SS18: variants seen among roughly 807,000 people sequenced by gnomAD.
The protein encoded by SS18 is protein SSXT.
Under a neutral mutation model 72.5 loss-of-function variants are expected in SS18, and 28 were observed. The ratio of observed to expected loss-of-function variants is 0.39; its 90% CI spans 0.29 to 0.53. The LOEUF is 0.53. SS18 is among the 20% of genes least tolerant of loss of function. SS18 has a pLI of 0.76. For synonymous variants in SS18, 172 were observed against 164.2 expected (o/e 1.05, Z -0.37); for missense variants, 518 against 535.3 (o/e 0.97, Z 0.32).
In SS18 at chr18:26,018,016, T is replaced by C. The variant is rs2053278585; in HGVS notation, c.*338A>G. The stretch of plus-strand genomic sequence containing the variant: ...TCTGTGGAAAAGTATTAAATTCCCT[T>C]ACCCTTCATAAACATACAAAGCTGT... On this transcript the variant is annotated 3_prime_UTR_variant, in exon 11 of 11. Coordinates refer to ENST00000415083, the MANE Select transcript of SS18 (RefSeq NM_001007559.3). The C allele has an allele frequency of 1.2e-5, 3 of 257,526 alleles. No individual in the cohort carries two copies. Among genetic ancestry groups the C allele is most frequent in the Non-Finnish European group, 2.2e-5 (3 of 134,142 alleles). The allele number at this position is 257,526 out of a possible 1,614,324, so 16.0% of individuals were successfully genotyped here.
chr18:26,079,058 A>G (rs1377263167), intron 2 of SS18: 1 of 152,198 alleles, frequency 6.6e-6, no homozygotes, highest in Non-Finnish European at 1.5e-5. Flanking sequence ...ACTTAGGCCC[A>G]CTGTGTTTAT....
chr18:26,054,440 T>G (rs1027080615), intron 4 of SS18, among the ~76,000 whole-genome samples: 1 of 152,126 alleles, frequency 6.6e-6, no homozygotes, highest in African/African-American at 2.4e-5. Context: ...CATATATATG[T>G]GTATATATAT....
At chr18:26,037,766 T>C (rs2053649928) in intron 7 of SS18, among the ~76,000 whole-genome samples, 1 of 152,134 alleles carries the variant, frequency 6.6e-6, no homozygotes, top group African/African-American at 2.4e-5. Context: ...CATCATTTTG[T>C]AATGTATTTC....
At chr18:26,057,840 AC>A (rs1456161444) in intron 3 of SS18, 98 bp from the exon 4 acceptor site, 1 of 1,161,566 alleles carries the variant, frequency 8.6e-7, no homozygotes, top group Non-Finnish European at 1.2e-6. Flanking sequence ...TGCAGTAAGA[AC>A]AAAAACACAA....
intron 3 of SS18, among the ~76,000 whole-genome samples, chr18:26,063,530 AT>A (rs1568018558): frequency 6.6e-6 from 1 of 152,190 alleles, no homozygotes; most frequent in Non-Finnish European, 1.5e-5. Flanking sequence ...AAAGAAAAAA[AT>A]AATAATAATA....
At chr18:26,027,671 TAAAAAAAAAAAAAAAAAAAAA>T (rs68048813) in intron 10 of SS18, among the ~76,000 whole-genome samples, 2 of 27,300 alleles carry the variant, frequency 7.3e-5, no homozygotes, top group South Asian at 1.9e-3. Flanking sequence ...GAGACTCATC[TAAAAAAAAAAAAAAAAAAAAA>T]AAAAAAAAAA....
chr18:26,090,702 C>G (rs2144217055), upstream of SS18: 1 of 941,356 alleles, frequency 1.1e-6, no homozygotes, highest in East Asian at 2.7e-5. Flanking sequence ...GCCAAGCGGA[C>G]GGGCGGCGGG....
chr18:26,078,470 G>C (rs2054457173), intron 2 of SS18: 1 of 218,694 alleles, frequency 4.6e-6, no homozygotes, highest in Non-Finnish European at 8.9e-6. Context: ...CTAATGTTTA[G>C]AGAGGTTGAT....
chr18:26,065,033 C>A (rs897368663), intron 3 of SS18, among the ~76,000 whole-genome samples: 4 of 152,002 alleles, frequency 2.6e-5, no homozygotes, highest in African/African-American at 9.7e-5. Context: ...ATAAATCTAA[C>A]AAATGTGCAA....
chr18:26,083,559 T>G (rs1433295987), intron 2 of SS18, among the ~76,000 whole-genome samples: 1 of 152,120 alleles, frequency 6.6e-6, no homozygotes, highest in Non-Finnish European at 1.5e-5. Context: ...GCTACAAACC[T>G]GAAAAGCCTT....
chr18:26,074,295 ACAC>A (rs2054369142), intron 3 of SS18, among the ~76,000 whole-genome samples: 2 of 151,268 alleles, frequency 1.3e-5, no homozygotes, highest in South Asian at 2.1e-4. Context: ...TTAAGATTCC[ACAC>A]CACAACTAAC....
chr18:26,081,014 G>A (rs1339799628), intron 2 of SS18, among the ~76,000 whole-genome samples: 3 of 142,076 alleles, frequency 2.1e-5, no homozygotes, highest in Non-Finnish European at 3.0e-5. Flanking sequence ...ATTTTCCCTC[G>A]TATAAGGAGG....
Position 26,016,914 on chromosome 18 carries a change from T to C in SS18, c.*1440A>G. 4.4e-6 allele frequency: 1 copy of C among 226,106 alleles called. No individual in the cohort carries two copies. The highest frequency in any genetic ancestry group is 8.8e-6 in the Non-Finnish European group (1 of 113,368). 14.0% of individuals were successfully genotyped at this position (226,106 alleles called of 1,614,324 possible). A position where few individuals can be genotyped will look rare whatever the true frequency, so the allele number is the denominator to read the frequency against. On this transcript the variant is annotated 3_prime_UTR_variant, in exon 11 of 11. Transcript: ENST00000415083. ...ACGCCCCTTCTGTTTTGTTTCCAGT[T>C]AGACGTGGGAAAAACCAATTCAATT... is the stretch of plus-strand genomic sequence containing the variant.
chr18:26,071,822 T>C (rs1389004192), intron 3 of SS18, among the ~76,000 whole-genome samples: 1 of 151,544 alleles, frequency 6.6e-6, no homozygotes, highest in African/African-American at 2.4e-5. Context: ...AGTGAAACAC[T>C]GTCTCCAGAG....
Position 26,090,486 on chromosome 18 carries a change from C to T in SS18, c.69+15G>A, listed in dbSNP as rs1598624031. ...GCGGTAAGGGCCTGGCATCCGCAAC[C>T]CCGCGCGGTTTCACCTTCTGAATCG... On this transcript the variant is annotated intron_variant, in intron 1 of 10. Transcript: ENST00000415083. 1.3e-6 allele frequency: 2 copies of T among 1,560,928 alleles called. No homozygotes were observed. Among genetic ancestry groups the T allele is most frequent in the Non-Finnish European group, 1.7e-6 (2 of 1,152,634 alleles).
intron 5 of SS18, among the ~76,000 whole-genome samples, chr18:26,048,906 A>G (rs938040914): frequency 6.6e-6 from 1 of 152,226 alleles, no homozygotes; most frequent in Non-Finnish European, 1.5e-5. Context: ...TGATTAGCCA[A>G]CTGATTTTAT....
intron 2 of SS18, chr18:26,084,288 AAAG>A (rs1196242165): frequency 6.6e-6 from 1 of 152,188 alleles, no homozygotes; most frequent in Non-Finnish European, 1.5e-5. Context: ...AGGAATAGGA[AAAG>A]AACAAATTTC....
chr18:26,068,253 T>C (rs917955254), intron 3 of SS18: 4 of 152,312 alleles, frequency 2.6e-5, no homozygotes, highest in Non-Finnish European at 4.4e-5. Flanking sequence ...AATGAGAATA[T>C]AGATGCTTTC....
At chr18:26,054,938 C>T (rs1427573600) in intron 4 of SS18, among the ~76,000 whole-genome samples, 1 of 151,856 alleles carries the variant, frequency 6.6e-6, no homozygotes, top group Non-Finnish European at 1.5e-5. Flanking sequence ...GAGGTTTAAC[C>T]TCACTGGTCA....
Sources: gnomAD v4.1 joint callset for allele counts (sites outside exome capture counted in the v4.1 genomes callset) on GRCh38, gnomAD v4.1.1 for gene constraint, MANE v1.5 for transcripts, NCBI Gene and HGNC (gene_info 2026-07-23, HGNC 2026-07-21) for gene names.